Variants in NLRP5 observed in about 807,000 individuals in gnomAD.
NLRP5 encodes the protein NLR family pyrin domain containing 5.
In NLRP5, 93 loss-of-function variants were observed where a neutral mutation model predicts 113.1. That is an observed-to-expected ratio of 0.82 (90% CI 0.70 to 0.98). The LOEUF (loss-of-function observed/expected upper bound fraction) is 0.98. NLRP5 is among the 50% of genes least tolerant of loss of function. The pLI, the probability that NLRP5 is intolerant of heterozygous loss-of-function variation, is 0.00. For synonymous variants in NLRP5, 751 were observed against 600.7 expected (o/e 1.25, Z -3.66); for missense variants, 1,808 against 1,514.3 (o/e 1.19, Z -3.22).
intron 6 of NLRP5, among the ~76,000 whole-genome samples, chr19:56,020,937 T>G (rs34400032): frequency 0.093 from 13,944 of 150,224 alleles, 718 homozygotes; most frequent in Middle Eastern, 0.14. Flanking sequence ...GCAGTGGCGG[T>G]ATCTCGGCTC....
rs1322358774 is a variant in NLRP5 at position 56,027,010 on chromosome 19, C to T, written c.777C>T (p.Asp259=). 1 of 1,551,972 alleles carries T rather than the reference C, an allele frequency of 6.4e-7. No individual in the cohort carries two copies. The highest frequency in any genetic ancestry group is 8.7e-7 in the Non-Finnish European group (1 of 1,147,110). The stretch of plus-strand genomic sequence containing the variant: ...GTAGTTTTGAAAACACTGCTGCTGA[C>T]TGGCCGGAAATGCAAACGTTGGCTG... The change falls in exon 7 of 15, where the codon GAC becomes GAT. Residue 259 remains aspartate (D), a synonymous_variant. Transcript: ENST00000390649.
chr19:56,049,314 G>C (rs1023414500), intron 11 of NLRP5, among the ~76,000 whole-genome samples: 1 of 151,908 alleles, frequency 6.6e-6, no homozygotes, highest in Non-Finnish European at 1.5e-5. Context: ...CGAGCAGCTG[G>C]GATTACAGGC....
chr19:55,989,649 T>C, the NLRP5 span, among the ~76,000 whole-genome samples: 2 of 152,152 alleles, frequency 1.3e-5, no homozygotes, highest in African/African-American at 2.4e-5. Flanking sequence ...TATTTTCTGC[T>C]CATCACCCAA....
chr19:56,036,011 A>G (rs1381055797), intron 9 of NLRP5, among the ~76,000 whole-genome samples: 1 of 149,398 alleles, frequency 6.7e-6, no homozygotes, highest in Admixed American at 6.7e-5. Flanking sequence ...TTTTGCATGT[A>G]GTACTACGAC....
chr19:56,004,717 G>A (rs748717437), intron 2 of NLRP5, among the ~76,000 whole-genome samples: 2 of 152,056 alleles, frequency 1.3e-5, no homozygotes, highest in Non-Finnish European at 2.9e-5. Context: ...TTAGAAAATA[G>A]CAGTTCTTTT....
At chr19:55,991,421 T>G in the NLRP5 span, among the ~76,000 whole-genome samples, 1 of 152,148 alleles carries the variant, frequency 6.6e-6, no homozygotes, top group Admixed American at 6.6e-5. Context: ...CAGCAGTACT[T>G]CTTGGATGAT....
intron 9 of NLRP5, among the ~76,000 whole-genome samples, chr19:56,036,477 G>C (rs1220336917): frequency 2.6e-5 from 4 of 152,182 alleles, no homozygotes; most frequent in Non-Finnish European, 5.9e-5. Context: ...AATAACGACA[G>C]ACGCTTGATT....
At chr19:55,992,453 C>G in the NLRP5 span, among the ~76,000 whole-genome samples, 11 of 152,146 alleles carry the variant, frequency 7.2e-5, no homozygotes, top group Non-Finnish European at 1.3e-4. Flanking sequence ...CCCTGCTTTC[C>G]ACAATAGCTG....
At chr19:55,994,749 T>C (rs188589238), upstream of NLRP5, among the ~76,000 whole-genome samples, 2 of 152,344 alleles carry the variant, frequency 1.3e-5, no homozygotes, top group African/African-American at 4.8e-5. Context: ...AGCTCTTTAG[T>C]TGGATGTACT....
Position 56,024,362 on chromosome 19 carries a change from AAT to A in NLRP5, c.680-2540_680-2539del, listed in dbSNP as rs776192567. On this transcript the variant is annotated intron_variant, in intron 6 of 14. Transcript: ENST00000390649. ...GCTTAAAAAAAAAAAAAAAAGAACAAATATATATATATGTGTATATATAACAT... is the reference window on the plus strand; with the variant it reads ...GCTTAAAAAAAAAAAAAAAAGAACAAATATATATATGTGTATATATAACAT... Among the ~76,000 whole-genome samples the A allele has an allele frequency of 5.0e-3, 709 of 140,616 alleles. 8 individuals are homozygous for A. Among genetic ancestry groups the A allele is most frequent in the African/African-American group, 0.017 (637 of 38,000 alleles). 92.2% of individuals were successfully genotyped at this position (140,616 alleles called of 152,430 possible). A position where few individuals can be genotyped will look rare whatever the true frequency, so the allele number is the denominator to read the frequency against.
Position 56,027,550 on chromosome 19 carries a change from C to T in NLRP5, c.1317C>T (p.His439=). The T allele has an allele frequency of 2.5e-6, 4 of 1,614,002 alleles. No individual in the cohort carries two copies. Among genetic ancestry groups the T allele is most frequent in the Non-Finnish European group, 3.4e-6 (4 of 1,179,888 alleles). Residue 439 remains histidine (H), a synonymous_variant, in exon 7 of 15, where the codon CAC becomes CAT. Coordinates refer to ENST00000390649, the MANE Select transcript of NLRP5 (RefSeq NM_153447.4). The stretch of plus-strand genomic sequence containing the variant: ...GAATCTCCGGGGAACAAAGAATCCA[C>T]TTGCTCCTTGAGCGCGGGATTGGTG...
chr19:56,036,119 A>T (rs2123317166), intron 9 of NLRP5, among the ~76,000 whole-genome samples: 1 of 124,962 alleles, frequency 8.0e-6, no homozygotes, highest in African/African-American at 3.2e-5. Context: ...GCTGGAGTGC[A>T]GTGGTGCAAT....
chr19:56,000,361 G>GT (rs35449342), intron 1 of NLRP5, among the ~76,000 whole-genome samples: 8 of 151,458 alleles, frequency 5.3e-5, no homozygotes, highest in Admixed American at 1.3e-4. Context: ...ATCACCTCAT[G>GT]TTTTTTTTTG....
chr19:56,049,489 T>C (rs898809054), intron 11 of NLRP5, among the ~76,000 whole-genome samples: 8 of 152,072 alleles, frequency 5.3e-5, no homozygotes, highest in African/African-American at 1.9e-4. Context: ...CCTGTATTTT[T>C]AGTAGAGATA....
chr19:56,040,189 C>G (rs1051328060), intron 10 of NLRP5, among the ~76,000 whole-genome samples: 2 of 152,136 alleles, frequency 1.3e-5, no homozygotes, highest in East Asian at 3.9e-4. Flanking sequence ...TCAAACAGTC[C>G]TCCTGCCTCA....
chr19:55,987,976 A>G, the NLRP5 span: 1 of 1,274,558 alleles, frequency 7.8e-7, no homozygotes, highest in South Asian at 1.2e-5. Flanking sequence ...ACTGGCAAAT[A>G]CCAGGCGTTA....
chr19:56,003,408 T>C (rs112340962), intron 1 of NLRP5, among the ~76,000 whole-genome samples: 23,644 of 152,140 alleles, frequency 0.16, 2,103 homozygotes, highest in East Asian at 0.31. Flanking sequence ...CCTGCCTTGG[T>C]CTCCCAAAGT....
chr19:56,003,710 T>G lies in NLRP5; in HGVS notation c.63-6T>G, dbSNP rs780634216. Reference sequence around the variant, plus strand: ...TTGAGAATTTGCTGCAAGATCCTCTTTTAAGTCTTGTCACTCTTTCCACAG... The same window carrying G: ...TTGAGAATTTGCTGCAAGATCCTCTGTTAAGTCTTGTCACTCTTTCCACAG... On this transcript the variant is annotated splice_region_variant and splice_polypyrimidine_tract_variant and intron_variant, in intron 1 of 14. Transcript: ENST00000390649. 2 of 1,584,718 alleles carry G rather than the reference T, an allele frequency of 1.3e-6. No homozygotes were observed. The highest frequency in any genetic ancestry group is 1.7e-6 in the Non-Finnish European group (2 of 1,167,280).
chr19:56,043,794 G>T (rs1259610997), intron 11 of NLRP5, among the ~76,000 whole-genome samples: 1 of 151,538 alleles, frequency 6.6e-6, no homozygotes, highest in East Asian at 1.9e-4. Context: ...AGCCAGGATG[G>T]TCTCGATCTC....
Sources: allele counts gnomAD v4.1 joint callset (sites outside exome capture counted in the v4.1 genomes callset), GRCh38; gene constraint gnomAD v4.1.1; transcripts MANE v1.5; gene names NCBI Gene and HGNC (gene_info 2026-07-23, HGNC 2026-07-21).